Variants in FSIP2 observed in about 807,000 individuals in gnomAD.
FSIP2 encodes fibrous sheath-interacting protein 2.
Under a neutral mutation model 510.5 loss-of-function variants are expected in FSIP2, and 367 were observed. The observed-to-expected ratio is 0.72, with a 90% confidence interval of 0.66 to 0.78. The LOEUF is 0.78. Ranked by LOEUF, FSIP2 falls within the 30% of genes least tolerant of loss-of-function variation. FSIP2 has a pLI of 0.00. For synonymous variants in FSIP2, 2,601 were observed against 2,732.2 expected, an observed-to-expected ratio of 0.95 and a Z score of 1.50; for missense variants, 7,594 against 7,901.7, an observed-to-expected ratio of 0.96 and a Z score of 1.48.
intron 18 of FSIP2, among the ~76,000 whole-genome samples, chr2:185,814,337 T>A (rs1195925337): frequency 6.6e-6 from 1 of 152,074 alleles, no homozygotes; most frequent in African/African-American, 2.4e-5. Flanking sequence ...TCCACCCTTT[T>A]GTATTTTGGC....
intron 13 of FSIP2, among the ~76,000 whole-genome samples, chr2:185,779,467 T>C (rs1054099230): frequency 1.3e-5 from 2 of 152,100 alleles, no homozygotes; most frequent in Non-Finnish European, 2.9e-5. Context: ...GTCTGGTTAA[T>C]TGGGAGATCT....
chr2:185,792,592 C>T lies in FSIP2; in HGVS notation c.5456C>T (p.Pro1819Leu), dbSNP rs1476788970. 9 of 1,533,890 alleles carry T rather than the reference C, an allele frequency of 5.9e-6. No individual in the cohort carries two copies. The Admixed American group carries it at 1.8e-4, about 30-fold the overall frequency. Residue 1819 changes from proline (P) to leucine (L), a missense_variant, in exon 16 of 23, where the codon CCC becomes CTC. Transcript: ENST00000424728. ...GMPHNVDEPTPQTSVQFMDKM... is the reference protein window; with the variant it reads ...GMPHNVDEPTLQTSVQFMDKM... ...CCTCACAATGTTGATGAGCCAACTC[C>T]CCAAACATCTGTTCAATTTATGGAT...
At chr2:185,740,849 T>A (rs1162246170) in intron 2 of FSIP2, among the ~76,000 whole-genome samples, 3 of 152,152 alleles carry the variant, frequency 2.0e-5, no homozygotes, top group Non-Finnish European at 2.9e-5. Flanking sequence ...CCCCAGCTCC[T>A]AATGCCATCA....
At position 185,752,198 on chromosome 2, in the gene FSIP2, G is replaced by A. The variant is rs557924024; in HGVS notation, c.871-1524G>A. ...GTATATGTTGGTTAACATCAACTGG[G>A]TGTAGAATTCACCATTGACTTTTTT... is the stretch of plus-strand genomic sequence containing the variant. On this transcript the variant is annotated intron_variant, in intron 7 of 22. Coordinates refer to ENST00000424728, the MANE Select transcript of FSIP2 (RefSeq NM_173651.4). Among the ~76,000 whole-genome samples the A allele has an allele frequency of 2.3e-4, 34 of 150,566 alleles. 1 individual carries two copies. The South Asian group carries it at 3.6e-3, about 16-fold the overall frequency.
In FSIP2 at chr2:185,796,836, T is replaced by C; in HGVS notation, c.9700T>C (p.Ser3234Pro). The part of the protein sequence containing the change: ...TKRPDSETMP[S>P]CSTRNKVQDH... ...AAGGCCTGATTCAGAAACTATGCCATCGTGTTCTACTAGAAACAAAGTACA... is the reference window on the plus strand; with the variant it reads ...AAGGCCTGATTCAGAAACTATGCCACCGTGTTCTACTAGAAACAAAGTACA... The change falls in exon 16 of 23, where the codon TCG becomes CCG. Residue 3234 changes from serine (S) to proline (P), a missense_variant. By Grantham distance (74) the Ser-to-Pro change is moderately conservative. Transcript: ENST00000424728. 2 of 1,535,182 alleles carry C rather than the reference T, an allele frequency of 1.3e-6. No homozygotes were observed. Among genetic ancestry groups the C allele is most frequent in the African/African-American group, 1.4e-5 (1 of 73,042 alleles).
At position 185,789,379 on chromosome 2, in the gene FSIP2, A is replaced by G. The variant is rs1445634362; in HGVS notation, c.2243A>G (p.Asn748Ser). The G allele has an allele frequency of 1.3e-6, 2 of 1,534,912 alleles. No homozygotes were observed. The highest frequency in any genetic ancestry group is 2.0e-5 in the Admixed American group (1 of 50,846). The change falls in exon 16 of 23, where the codon AAT becomes AGT. Residue 748 changes from asparagine (N) to serine (S), a missense_variant. Physicochemically the swap from Asn to Ser is conservative, Grantham distance 46 (BLOSUM62 1). Coordinates refer to ENST00000424728, the MANE Select transcript of FSIP2 (RefSeq NM_173651.4). The stretch of plus-strand genomic sequence containing the variant: ...CGTGAAAAAGAAATCTTGCTTTCCA[A>G]TGCTCATATTCCCTCAGTTGCTTCT... ...CEREKEILLS[N>S]AHIPSVASEI...
rs752158906 is a variant in FSIP2, at chr2:185,824,431, T to G, written c.20427-3T>G. 1 of 1,584,116 alleles carries G rather than the reference T, an allele frequency of 6.3e-7. No homozygotes were observed. The highest frequency in any genetic ancestry group is 8.6e-7 in the Non-Finnish European group (1 of 1,162,128). Reference sequence around the variant, plus strand: ...AAATGATGTTCTTTTTCTTTTGTTTTAGTGAGGCTGAAGATTGTCACTCAG... The same window carrying G: ...AAATGATGTTCTTTTTCTTTTGTTTGAGTGAGGCTGAAGATTGTCACTCAG... On this transcript the variant is annotated splice_polypyrimidine_tract_variant and splice_region_variant and intron_variant, in intron 19 of 22. Coordinates refer to ENST00000424728, the MANE Select transcript of FSIP2 (RefSeq NM_173651.4).
intron 19 of FSIP2, among the ~76,000 whole-genome samples, chr2:185,820,116 C>T (rs976581941): frequency 6.6e-6 from 1 of 151,852 alleles, no homozygotes; most frequent in Non-Finnish European, 1.5e-5. Flanking sequence ...TCCCATAATC[C>T]CCACATGTCG....
intron 5 of FSIP2, among the ~76,000 whole-genome samples, chr2:185,746,076 T>C (rs1007417850): frequency 2.0e-5 from 3 of 152,146 alleles, no homozygotes; most frequent in South Asian, 4.1e-4. Flanking sequence ...GATGTTATAG[T>C]TCTTTTTCCT....
chr2:185,780,946 G>T (rs367652004), intron 13 of FSIP2, among the ~76,000 whole-genome samples: 1 of 152,060 alleles, frequency 6.6e-6, no homozygotes, highest in South Asian at 2.1e-4. Context: ...CAAGGTCATA[G>T]AAAACATAAT....
At chr2:185,820,545 TGCACATA>T (rs1204291624) in intron 19 of FSIP2, among the ~76,000 whole-genome samples, 3 of 151,514 alleles carry the variant, frequency 2.0e-5, no homozygotes, top group African/African-American at 7.3e-5. Context: ...TTTTCTCAAA[TGCACATA>T]GCACACTCCC....
chr2:185,823,777 G>T (rs565924485), intron 19 of FSIP2, among the ~76,000 whole-genome samples: 47 of 151,822 alleles, frequency 3.1e-4, no homozygotes, highest in Admixed American at 1.1e-3. Flanking sequence ...GACTGAAACA[G>T]ATATTTGTAC....
chr2:185,798,499 T>G (rs1308226766), intron 16 of FSIP2, among the ~76,000 whole-genome samples: 1 of 151,856 alleles, frequency 6.6e-6, no homozygotes, highest in Non-Finnish European at 1.5e-5. Context: ...AGTTTAGTAT[T>G]ACTATAATAC....
At chr2:185,817,121 A>G (rs1311392629) in intron 19 of FSIP2, among the ~76,000 whole-genome samples, 1 of 152,008 alleles carries the variant, frequency 6.6e-6, no homozygotes, top group Non-Finnish European at 1.5e-5. Flanking sequence ...TCCTCCCAGC[A>G]TAGTATAACA....
At chr2:185,819,719 C>T (rs1289331134) in intron 19 of FSIP2, among the ~76,000 whole-genome samples, 2 of 151,738 alleles carry the variant, frequency 1.3e-5, no homozygotes, top group Admixed American at 6.6e-5. Flanking sequence ...ATTTTTAATA[C>T]TTTGTGTTAG....
At chr2:185,762,596 C>G (rs1376846785) in intron 11 of FSIP2, among the ~76,000 whole-genome samples, 1 of 151,422 alleles carries the variant, frequency 6.6e-6, no homozygotes, top group East Asian at 1.9e-4. Flanking sequence ...GGCACAAAAC[C>G]TAAGTTGCCT....
chr2:185,789,116 T>A lies in FSIP2; in HGVS notation c.1980T>A (p.Ser660=), dbSNP rs1054643667. The A allele has an allele frequency of 7.2e-6, 11 of 1,534,996 alleles. No individual in the cohort carries two copies. The highest frequency in any genetic ancestry group is 9.6e-6 in the Non-Finnish European group (11 of 1,146,064). The part of the protein sequence containing the change: ...LASFETGTKK[S]KDATTETDSL... ...CATTTGAAACAGGCACAAAAAAATC[T>A]AAGGATGCTACCACTGAAACAGATA... is the stretch of plus-strand genomic sequence containing the variant. Residue 660 remains serine (S), a synonymous_variant, in exon 16 of 23, where the codon TCT becomes TCA. Transcript: ENST00000424728.
At position 185,794,657 on chromosome 2, in the gene FSIP2, A is replaced by G; in HGVS notation, c.7521A>G (p.Pro2507=). 1 of 1,533,028 alleles carries G rather than the reference A, an allele frequency of 6.5e-7. No individual in the cohort carries two copies. Among genetic ancestry groups the G allele is most frequent in the Non-Finnish European group, 8.7e-7 (1 of 1,145,378 alleles). 95.0% of individuals were successfully genotyped at this position (1,533,028 alleles called of 1,614,324 possible). ...RVREVTGHLP[P]LNETANFISN... is the part of the protein sequence containing the mutation. ...GGGAAGTCACAGGCCATTTGCCTCCACTTAATGAAACTGCCAACTTTATAT... is the reference window on the plus strand; with the variant it reads ...GGGAAGTCACAGGCCATTTGCCTCCGCTTAATGAAACTGCCAACTTTATAT... Residue 2507 remains proline (P), a synonymous_variant, in exon 16 of 23, where the codon CCA becomes CCG. Transcript: ENST00000424728.
In FSIP2 at chr2:185,793,182, C is replaced by T. The variant is rs1314587639; in HGVS notation, c.6046C>T (p.Gln2016Ter). 2.6e-6 allele frequency: 4 copies of T among 1,533,798 alleles called. No individual in the cohort carries two copies. In the Admixed American group the frequency reaches 7.9e-5, roughly 30 times the overall value. Reference protein sequence around the residue: ...VARRNLQGIKQELDKERENPF... With the variant: ...VARRNLQGIK The stretch of plus-strand genomic sequence containing the variant: ...TAGAAGAAATTTACAAGGAATCAAA[C>T]AGGAATTAGATAAAGAAAGGGAAAA... Residue 2016 changes from glutamine (Q) to a stop codon, truncating the protein, a stop_gained, in exon 16 of 23, where the codon CAG becomes TAG. Transcript: ENST00000424728. LOFTEE classifies it high-confidence loss of function.
Sources: gnomAD v4.1 joint callset for allele counts (sites outside exome capture counted in the v4.1 genomes callset) on GRCh38, gnomAD v4.1.1 for gene constraint, MANE v1.5 for transcripts, NCBI Gene and HGNC (gene_info 2026-07-23, HGNC 2026-07-21) for gene names.